ARFIP1: variants seen among roughly 807,000 people sequenced by gnomAD.
ARFIP1 encodes arfaptin-1.
In ARFIP1, 24 loss-of-function variants were observed where a neutral mutation model predicts 42.5. That is an observed-to-expected ratio of 0.57 (90% CI 0.41 to 0.80). ARFIP1 has a LOEUF of 0.80. ARFIP1 is among the 30% of genes least tolerant of loss of function. ARFIP1 has a pLI of 0.00. For synonymous variants in ARFIP1, 141 were observed against 153.7 expected, an observed-to-expected ratio of 0.92 and a Z score of 0.61; for missense variants, 354 against 434.0, an observed-to-expected ratio of 0.82 and a Z score of 1.64.
At chr4:152,895,501 C>G (rs935093785) in intron 8 of ARFIP1, among the ~76,000 whole-genome samples, 2 of 151,060 alleles carry the variant, frequency 1.3e-5, no homozygotes, top group African/African-American at 4.9e-5. Flanking sequence ...ATCCTCCTAC[C>G]TCAGCCTTCC....
intron 8 of ARFIP1, among the ~76,000 whole-genome samples, chr4:152,900,234 C>CT (rs1257273683): frequency 1.3e-5 from 2 of 152,038 alleles, no homozygotes; most frequent in Non-Finnish European, 2.9e-5. Flanking sequence ...AGGCGAAAGA[C>CT]TTTTTTTGCT....
intron 5 of ARFIP1, among the ~76,000 whole-genome samples, chr4:152,873,581 C>T (rs554732177): frequency 3.3e-5 from 5 of 152,272 alleles, no homozygotes; most frequent in Admixed American, 3.3e-4. Flanking sequence ...AAAATATTCA[C>T]GGATTTCTAT....
At chr4:152,831,168 A>C (rs1265136490) in intron 2 of ARFIP1, among the ~76,000 whole-genome samples, 1 of 152,230 alleles carries the variant, frequency 6.6e-6, no homozygotes, top group African/African-American at 2.4e-5. Context: ...TACTAATTTT[A>C]ATACTAATTA....
intron 4 of ARFIP1, among the ~76,000 whole-genome samples, chr4:152,871,281 T>C (rs185899999): frequency 1.3e-3 from 200 of 152,324 alleles, no homozygotes; most frequent in African/African-American, 4.4e-3. Context: ...TACTTTTAGC[T>C]TTAACTTACA....
chr4:152,867,206 A>G (rs377631664), intron 3 of ARFIP1, among the ~76,000 whole-genome samples: 4 of 152,174 alleles, frequency 2.6e-5, no homozygotes, highest in African/African-American at 9.7e-5. Context: ...CCTGGGCACT[A>G]TTGAGCACTG....
chr4:152,839,493 C>T (rs1192747283), intron 2 of ARFIP1, among the ~76,000 whole-genome samples: 1 of 152,108 alleles, frequency 6.6e-6, no homozygotes, highest in Non-Finnish European at 1.5e-5. Flanking sequence ...CAAATTCTTC[C>T]TGATTTAAGC....
chr4:152,895,244 A>G (rs1318924010), intron 8 of ARFIP1, among the ~76,000 whole-genome samples: 1 of 152,228 alleles, frequency 6.6e-6, no homozygotes, highest in Non-Finnish European at 1.5e-5. Context: ...GATAGTGGAA[A>G]TGGAGTGAAC....
chr4:152,896,687 C>T (rs1468535722), intron 8 of ARFIP1, among the ~76,000 whole-genome samples: 2 of 151,328 alleles, frequency 1.3e-5, no homozygotes, highest in African/African-American at 2.4e-5. Context: ...TTTTGAACCA[C>T]ATATATGTCT....
Position 152,863,725 on chromosome 4 carries a change from A to G in ARFIP1, c.202+11A>G. On this transcript the variant is annotated intron_variant, in intron 3 of 8. Transcript: ENST00000353617. ...CAGGAGCATTTCAAGGTAAGAGCCC[A>G]TATATTTGTAAAGATGGCTGGGATA... 3 of 1,546,210 alleles carry G rather than the reference A, an allele frequency of 1.9e-6. No homozygotes were observed. Among genetic ancestry groups the G allele is most frequent in the Non-Finnish European group, 2.7e-6 (3 of 1,121,836 alleles).
At chr4:152,872,345 CT>C (rs201849973) in intron 4 of ARFIP1, 106 bp from the exon 5 acceptor site, 3 of 713,552 alleles carry the variant, frequency 4.2e-6, no homozygotes, top group Non-Finnish European at 4.6e-6. Flanking sequence ...ACCTTTTTTT[CT>C]TTTTTTAGAT....
chr4:152,844,616 G>A (rs1407503585), intron 2 of ARFIP1, among the ~76,000 whole-genome samples: 1 of 151,818 alleles, frequency 6.6e-6, no homozygotes, highest in Non-Finnish European at 1.5e-5. Context: ...AGCCTCCATA[G>A]AAGCAATAAC....
At chr4:152,795,820 ATTTTTTTTTTTTTTTTTT>A (rs56845391) in intron 1 of ARFIP1, among the ~76,000 whole-genome samples, 15 of 28,066 alleles carry the variant, frequency 5.3e-4, no homozygotes, top group Admixed American at 4.9e-3. Flanking sequence ...GGCCCTTGTA[ATTTTTTTTTTTTTTTTTT>A]TTTTTTTTTT....
chr4:152,841,956 G>A (rs1030657524), intron 2 of ARFIP1, among the ~76,000 whole-genome samples: 13 of 152,134 alleles, frequency 8.5e-5, no homozygotes, highest in South Asian at 2.1e-4. Flanking sequence ...TAGAGCGGTC[G>A]TCAGCCAACC....
chr4:152,820,531 T>C (rs945139282), intron 1 of ARFIP1, among the ~76,000 whole-genome samples: 19 of 152,132 alleles, frequency 1.2e-4, no homozygotes, highest in African/African-American at 4.3e-4. Flanking sequence ...GAAGCATGGC[T>C]TGGGAGGCCT....
chr4:152,795,436 A>G (rs1214578438), intron 1 of ARFIP1, among the ~76,000 whole-genome samples: 1 of 152,174 alleles, frequency 6.6e-6, no homozygotes, highest in Non-Finnish European at 1.5e-5. Flanking sequence ...CTACCATAGA[A>G]AGGTAATTGA....
intron 8 of ARFIP1, among the ~76,000 whole-genome samples, chr4:152,890,409 T>C (rs1053198365): frequency 1.3e-5 from 2 of 152,182 alleles, no homozygotes; most frequent in African/African-American, 4.8e-5. Context: ...CTTGTAAATA[T>C]TGAAGAATTT....
Position 152,782,223 on chromosome 4 carries a change from G to GGTGTGTGT in ARFIP1, c.-10+2026_-10+2033dup, listed in dbSNP as rs71598214. ...GTTGAAGTTAGTGAAAACAGGTAGG[G>GGTGTGTGT]GTGTGTGTGTGTGTGTGTGTGTGTG... On this transcript the variant is annotated intron_variant, in intron 1 of 8. Transcript: ENST00000353617. Among the ~76,000 whole-genome samples, 583 of 148,654 alleles carry GGTGTGTGT rather than the reference G, an allele frequency of 3.9e-3. 2 individuals carry two copies. Among genetic ancestry groups the GGTGTGTGT allele is most frequent in the African/African-American group, 0.013 (511 of 40,044 alleles).
chr4:152,819,234 C>A lies in ARFIP1; in HGVS notation c.-9-10391C>A, dbSNP rs546203101. 2.6e-5 allele frequency among the ~76,000 whole-genome samples: 4 copies of A among 152,294 alleles called. No homozygotes were observed. In the South Asian group the frequency reaches 8.3e-4, roughly 32 times the overall value. On this transcript the variant is annotated intron_variant, in intron 1 of 8. Coordinates refer to ENST00000353617, the MANE Select transcript of ARFIP1 (RefSeq NM_001025595.3). Reference sequence around the variant, plus strand: ...ACAGCCCCGTTACAGCATCTGCAGGCACAATAACACAGCACTCAGGAAAGA... The same window carrying A: ...ACAGCCCCGTTACAGCATCTGCAGGAACAATAACACAGCACTCAGGAAAGA...
chr4:152,796,144 C>T (rs1731455955), intron 1 of ARFIP1: 1 of 747,712 alleles, frequency 1.3e-6, no homozygotes, highest in Non-Finnish European at 2.5e-6. Flanking sequence ...AATAACTTTG[C>T]CTCCCTGTGT....
Sources: allele counts gnomAD v4.1 joint callset (sites outside exome capture counted in the v4.1 genomes callset), GRCh38; gene constraint gnomAD v4.1.1; transcripts MANE v1.5; gene names NCBI Gene and HGNC (gene_info 2026-07-23, HGNC 2026-07-21).